Variants in TTC28 observed in about 807,000 individuals in gnomAD.
TTC28 encodes the protein tetratricopeptide repeat domain 28.
Under a neutral mutation model 198.0 loss-of-function variants are expected in TTC28, and 61 were observed. The observed-to-expected ratio is 0.31, with a 90% CI of 0.25 to 0.38. The LOEUF is 0.38. Ranked by LOEUF, TTC28 falls within the 10% of genes least tolerant of loss-of-function variation. TTC28 has a pLI of 1.00. For missense variants in TTC28, 2,678 were observed against 3,164.0 expected, an observed-to-expected ratio of 0.85 and a Z score of 3.69; for synonymous variants, 1,171 against 1,297.8, an observed-to-expected ratio of 0.90 and a Z score of 2.10.
chr22:28,341,898 G>C (rs765581997), intron 2 of TTC28, among the ~76,000 whole-genome samples: 117 of 152,206 alleles, frequency 7.7e-4, no homozygotes, highest in Non-Finnish European at 1.0e-3. Flanking sequence ...AAGATGGCTC[G>C]GGCCCAGGAG....
intron 2 of TTC28, among the ~76,000 whole-genome samples, chr22:28,537,765 CTACAA>C (rs1183135159): frequency 6.6e-6 from 1 of 152,142 alleles, no homozygotes; most frequent in Non-Finnish European, 1.5e-5. Context: ...AACTGTTAAA[CTACAA>C]TACATCTATA....
At chr22:28,603,801 GA>G (rs576023071) in intron 2 of TTC28, among the ~76,000 whole-genome samples, 4 of 150,504 alleles carry the variant, frequency 2.7e-5, no homozygotes, top group Non-Finnish European at 4.4e-5. Context: ...ATCTCTGTAA[GA>G]AAAAAAAATC....
At chr22:28,656,700 C>T (rs2051661000) in intron 1 of TTC28, among the ~76,000 whole-genome samples, 1 of 152,114 alleles carries the variant, frequency 6.6e-6, no homozygotes, top group African/African-American at 2.4e-5. Flanking sequence ...TCATCTCGTG[C>T]TACTCTGAAG....
chr22:28,564,164 G>T (rs2049934026), intron 2 of TTC28, among the ~76,000 whole-genome samples: 1 of 152,094 alleles, frequency 6.6e-6, no homozygotes, highest in Non-Finnish European at 1.5e-5. Context: ...AATGCATATG[G>T]GACTTCCTTT....
At position 28,337,980 on chromosome 22, in the gene TTC28, G is replaced by A. The variant is rs575374890; in HGVS notation, c.382-31337C>T. 3.2e-3 allele frequency among the ~76,000 whole-genome samples: 492 copies of A among 152,076 alleles called. 2 individuals carry two copies. Among genetic ancestry groups the A allele is most frequent in the African/African-American group, 0.01 (428 of 41,488 alleles). On this transcript the variant is annotated intron_variant, in intron 2 of 22. Transcript: ENST00000397906. Reference sequence around the variant, plus strand: ...GCATGTTTTTGCAGTGGCTGGTACCGGTTGTTCCTTTCCATGTTTAGTGCT... The same window carrying A: ...GCATGTTTTTGCAGTGGCTGGTACCAGTTGTTCCTTTCCATGTTTAGTGCT...
chr22:28,265,516 T>G (rs1931626483), intron 5 of TTC28, among the ~76,000 whole-genome samples: 1 of 152,136 alleles, frequency 6.6e-6, no homozygotes, highest in Admixed American at 6.6e-5. Flanking sequence ...AGAGGAGATA[T>G]TGCACGTACC....
At chr22:28,591,039 A>C (rs2034288731) in intron 2 of TTC28, among the ~76,000 whole-genome samples, 1 of 29,576 alleles carries the variant, frequency 3.4e-5, no homozygotes, top group Non-Finnish European at 5.6e-5. Context: ...ACACACACAC[A>C]CATATATATA....
In TTC28 at chr22:28,030,341, T is replaced by A; in HGVS notation, c.3958A>T (p.Ser1320Cys). ...TGGTCCATGATGTCTCCCGCTTCAC[T>A]CTCTGTCTCACTGCTGGCACAGGCC... ...SRACASSETE[S>C]EAGDIMDQQF... The change falls in exon 13 of 23, where the codon AGT becomes TGT. Residue 1320 changes from serine (S) to cysteine (C), a missense_variant. Physicochemically the swap from Ser to Cys is moderately radical, Grantham distance 112. Coordinates refer to ENST00000397906, the MANE Select transcript of TTC28 (RefSeq NM_001145418.2). 1 of 1,551,802 alleles carries A rather than the reference T, an allele frequency of 6.4e-7. No individual in the cohort carries two copies. The highest frequency in any genetic ancestry group is 8.7e-7 in the Non-Finnish European group (1 of 1,147,004).
intron 5 of TTC28, among the ~76,000 whole-genome samples, chr22:28,275,685 A>G (rs1932373995): frequency 6.6e-6 from 1 of 152,100 alleles, no homozygotes; most frequent in Admixed American, 6.5e-5. Flanking sequence ...AATAGAGTAA[A>G]GCAATCATTT....
intron 12 of TTC28, among the ~76,000 whole-genome samples, chr22:28,044,048 C>G (rs773997498): frequency 6.6e-6 from 1 of 152,172 alleles, no homozygotes; most frequent in Non-Finnish European, 1.5e-5. Flanking sequence ...ACTGTAGGGG[C>G]TAGCAGTGGG....
intron 5 of TTC28, among the ~76,000 whole-genome samples, chr22:28,215,140 G>C (rs1371201383): frequency 1.3e-5 from 2 of 152,196 alleles, no homozygotes; most frequent in African/African-American, 2.4e-5. Flanking sequence ...GGTGGGGTTG[G>C]GGGAGGGGAG....
intron 5 of TTC28, among the ~76,000 whole-genome samples, chr22:28,200,655 T>C (rs756764513): frequency 2.6e-4 from 39 of 151,914 alleles, no homozygotes; most frequent in African/African-American, 7.7e-4. Flanking sequence ...ATAAGAGCCA[T>C]AGGAGAATGT....
At chr22:28,220,995 G>A (rs541009867) in intron 5 of TTC28, among the ~76,000 whole-genome samples, 4 of 152,280 alleles carry the variant, frequency 2.6e-5, no homozygotes, top group South Asian at 4.2e-4. Context: ...GTGGATAAAG[G>A]TGAGACAATA....
intron 6 of TTC28, among the ~76,000 whole-genome samples, chr22:28,155,055 AC>A (rs1156872811): frequency 6.6e-6 from 1 of 152,042 alleles, no homozygotes. Context: ...GATTCCCCCG[AC>A]CCTCTGTGAG....
intron 2 of TTC28, among the ~76,000 whole-genome samples, chr22:28,524,138 TAA>T (rs2048962957): frequency 6.6e-6 from 1 of 152,168 alleles, no homozygotes; most frequent in Non-Finnish European, 1.5e-5. Flanking sequence ...TTGAATTTTT[TAA>T]AAGTCATTTT....
At chr22:28,492,378 AAGTT>A (rs1282907646) in intron 2 of TTC28, among the ~76,000 whole-genome samples, 1 of 152,188 alleles carries the variant, frequency 6.6e-6, no homozygotes, top group African/African-American at 2.4e-5. Flanking sequence ...TGCTCATAAG[AAGTT>A]AGTTAATGAA....
intron 2 of TTC28, among the ~76,000 whole-genome samples, chr22:28,317,108 T>G (rs2045365131): frequency 6.6e-6 from 1 of 152,164 alleles, no homozygotes; most frequent in South Asian, 2.1e-4. Context: ...AACATTTACT[T>G]ATTCATTTTT....
At chr22:28,190,581 T>C (rs911292713) in intron 5 of TTC28, among the ~76,000 whole-genome samples, 2 of 152,210 alleles carry the variant, frequency 1.3e-5, no homozygotes, top group African/African-American at 4.8e-5. Context: ...CAGTATGTTG[T>C]TTAATTAGGA....
intron 13 of TTC28, among the ~76,000 whole-genome samples, chr22:28,025,431 T>A (rs968783646): frequency 6.6e-6 from 1 of 152,182 alleles, no homozygotes; most frequent in African/African-American, 2.4e-5. Flanking sequence ...GAGCCCAAGA[T>A]TTCTCCTCTG....
Sources: gnomAD v4.1 joint callset for allele counts (sites outside exome capture counted in the v4.1 genomes callset) on GRCh38, gnomAD v4.1.1 for gene constraint, MANE v1.5 for transcripts, NCBI Gene and HGNC (gene_info 2026-07-23, HGNC 2026-07-21) for gene names.